Variants in VOPP1 observed in about 807,000 individuals in gnomAD.
VOPP1 encodes VOPP1 WW domain binding protein.
In VOPP1, 8 loss-of-function variants were observed where a neutral mutation model predicts 23.5. That is an observed-to-expected ratio of 0.34 (90% CI 0.20 to 0.61). VOPP1 has a LOEUF of 0.61. VOPP1 is among the 20% of genes least tolerant of loss of function. The pLI is 0.78. For missense variants in VOPP1, 174 were observed against 238.1 expected (o/e 0.73, Z 1.77); for synonymous variants, 83 against 97.3 (o/e 0.85, Z 0.86).
At chr7:55,537,805 C>T in intron 1 of VOPP1, 3 of 986,760 alleles carry the variant, frequency 3.0e-6, no homozygotes, top group Middle Eastern at 3.5e-4. Flanking sequence ...CCACAGCCCC[C>T]ACTTCCCCTC....
At chr7:55,443,428 C>A (rs933158868) in intron 4 of VOPP1, among the ~76,000 whole-genome samples, 3 of 151,804 alleles carry the variant, frequency 2.0e-5, no homozygotes, top group Non-Finnish European at 4.4e-5. Context: ...GTGGCGGGCG[C>A]CTGTAGTCCT....
intron 1 of VOPP1, among the ~76,000 whole-genome samples, chr7:55,543,850 T>C (rs1188594117): frequency 6.6e-6 from 1 of 152,238 alleles, no homozygotes; most frequent in African/African-American, 2.4e-5. Context: ...TTTTCTCTCA[T>C]TCTGTGGGTT....
At chr7:55,436,511 C>T (rs1227628282) in intron 4 of VOPP1, among the ~76,000 whole-genome samples, 3 of 152,058 alleles carry the variant, frequency 2.0e-5, no homozygotes, top group Non-Finnish European at 2.9e-5. Context: ...GAGGGAAATG[C>T]AGATCTGTCC....
chr7:55,524,879 G>C (rs78936476), intron 1 of VOPP1, among the ~76,000 whole-genome samples: 1,913 of 152,270 alleles, frequency 0.013, 16 homozygotes, highest in Non-Finnish European at 0.017. Context: ...TCCAAATCCA[G>C]CACCAGCACC....
chr7:55,527,208 A>G (rs1796240556), intron 1 of VOPP1, among the ~76,000 whole-genome samples: 1 of 152,236 alleles, frequency 6.6e-6, no homozygotes, highest in African/African-American at 2.4e-5. Flanking sequence ...CTGGAATTTC[A>G]ATCAGTTCCC....
chr7:55,552,674 A>C, intron 1 of VOPP1: 1 of 1,536,020 alleles, frequency 6.5e-7, no homozygotes, highest in Non-Finnish European at 8.7e-7. Flanking sequence ...GCCTTCCAAC[A>C]ATGGGGGGCA....
chr7:55,523,230 C>T (rs114108336), intron 1 of VOPP1, among the ~76,000 whole-genome samples: 70 of 152,228 alleles, frequency 4.6e-4, no homozygotes, highest in African/African-American at 1.6e-3. Flanking sequence ...AAAGCATAGG[C>T]AAAAACAAAA....
chr7:55,521,664 G>A (rs1340586461), intron 1 of VOPP1: 2 of 987,370 alleles, frequency 2.0e-6, no homozygotes, highest in African/African-American at 3.5e-5. Flanking sequence ...AAGACAATGG[G>A]AGCCTCTCCT....
intron 4 of VOPP1, among the ~76,000 whole-genome samples, chr7:55,460,471 G>A (rs1256254210): frequency 6.6e-6 from 1 of 152,092 alleles, no homozygotes; most frequent in African/African-American, 2.4e-5. Context: ...CCGTCTAGGT[G>A]ATCTGTTAAA....
intron 1 of VOPP1, chr7:55,571,882 C>A (rs1798371491): frequency 5.5e-6 from 1 of 182,138 alleles, no homozygotes; most frequent in Non-Finnish European, 1.1e-5. Context: ...GGGCTCTCCG[C>A]GCCTGCGCCG....
intron 1 of VOPP1, among the ~76,000 whole-genome samples, chr7:55,537,108 G>A (rs1381468885): frequency 6.6e-6 from 1 of 152,188 alleles, no homozygotes; most frequent in Non-Finnish European, 1.5e-5. Flanking sequence ...CTCTCGGCCT[G>A]ACCTGTCTAA....
At chr7:55,446,120 G>C (rs1275697333) in intron 4 of VOPP1, among the ~76,000 whole-genome samples, 2 of 151,528 alleles carry the variant, frequency 1.3e-5, no homozygotes, top group African/African-American at 4.9e-5. Flanking sequence ...AGACTCCCAA[G>C]TAGCTGGGAC....
chr7:55,480,435 T>C (rs1792622125), intron 4 of VOPP1, among the ~76,000 whole-genome samples: 1 of 152,384 alleles, frequency 6.6e-6, no homozygotes, highest in Non-Finnish European at 1.5e-5. Flanking sequence ...TTTATTTTTG[T>C]GTTCTTCTCC....
chr7:55,549,655 C>T (rs1405538462), intron 1 of VOPP1, among the ~76,000 whole-genome samples: 1 of 152,192 alleles, frequency 6.6e-6, no homozygotes, highest in Non-Finnish European at 1.5e-5. Flanking sequence ...TGGGCAGTTA[C>T]CCTGGGAACA....
At chr7:55,499,087 A>G (rs1173961407) in intron 2 of VOPP1, among the ~76,000 whole-genome samples, 1 of 151,992 alleles carries the variant, frequency 6.6e-6, no homozygotes, top group African/African-American at 2.4e-5. Flanking sequence ...CCCAGTACCC[A>G]AAGTGTTGTG....
chr7:55,507,213 G>C (rs117285870), intron 2 of VOPP1, among the ~76,000 whole-genome samples: 164 of 152,302 alleles, frequency 1.1e-3, no homozygotes, highest in East Asian at 0.01. Context: ...GCTCACGTCA[G>C]AACTGTCCAG....
intron 1 of VOPP1, chr7:55,572,004 C>G (rs1798378090): frequency 2.5e-6 from 1 of 399,756 alleles, no homozygotes; most frequent in South Asian, 4.1e-5. Flanking sequence ...CGGAGGCGGT[C>G]GGCGCGGGAA....
rs573688675 is a variant in VOPP1 at position 55,551,015 on chromosome 7, G to A, written c.54+21256C>T. Among the ~76,000 whole-genome samples the A allele has an allele frequency of 7.2e-5, 11 of 152,248 alleles. No homozygotes were observed. The South Asian group carries it at 2.3e-3, about 32-fold the overall frequency. ...CAGGACAGCCCGAGAAGAGGGAAGG[G>A]CATGGTGACAGGCGAAGGGGCACAT... On this transcript the variant is annotated intron_variant, in intron 1 of 4. Transcript: ENST00000285279.
intron 1 of VOPP1, among the ~76,000 whole-genome samples, chr7:55,559,218 T>C (rs1797905208): frequency 1.3e-5 from 2 of 152,204 alleles, no homozygotes; most frequent in East Asian, 1.9e-4. Flanking sequence ...GTACTGATTC[T>C]AGTGGTGACA....
Sources: allele counts gnomAD v4.1 joint callset (sites outside exome capture counted in the v4.1 genomes callset), GRCh38; gene constraint gnomAD v4.1.1; transcripts MANE v1.5; gene names NCBI Gene and HGNC (gene_info 2026-07-23, HGNC 2026-07-21).